The following CEP128 variants were observed in gnomAD, a reference collection of about 807,000 sequenced individuals.
CEP128 encodes centrosomal protein 128kDa.
CEP128 carries 132 observed loss-of-function variants against 156.7 expected under a neutral mutation model. The ratio of observed to expected loss-of-function variants is 0.84; its 90% CI spans 0.73 to 0.97. The LOEUF (loss-of-function observed/expected upper bound fraction) is 0.97. Among genes scored for constraint, CEP128 ranks in the 50% least tolerant of loss-of-function variants. The pLI is 0.00. For synonymous variants in CEP128, 469 were observed against 448.9 expected, an observed-to-expected ratio of 1.04 and a Z score of -0.57; for missense variants, 1,252 against 1,281.9, an observed-to-expected ratio of 0.98 and a Z score of 0.36.
At chr14:80,786,179 A>T (rs963020545) in intron 14 of CEP128, among the ~76,000 whole-genome samples, 3 of 152,214 alleles carry the variant, frequency 2.0e-5, no homozygotes, top group Non-Finnish European at 4.4e-5. Context: ...GAAGTCCATC[A>T]TTCTATGCCA....
chr14:80,591,959 G>A (rs1892090716), intron 19 of CEP128, among the ~76,000 whole-genome samples: 1 of 152,170 alleles, frequency 6.6e-6, no homozygotes, highest in Non-Finnish European at 1.5e-5. Flanking sequence ...TGAAACCAAT[G>A]AGAACAAAGA....
At chr14:80,802,080 C>A (rs1247631851) in intron 13 of CEP128, among the ~76,000 whole-genome samples, 2 of 151,958 alleles carry the variant, frequency 1.3e-5, no homozygotes, top group African/African-American at 4.8e-5. Flanking sequence ...CACTTTTACA[C>A]TGTTGGTAGG....
chr14:80,563,656 C>A (rs948007512), intron 20 of CEP128, among the ~76,000 whole-genome samples: 3 of 150,574 alleles, frequency 2.0e-5, no homozygotes, highest in African/African-American at 7.3e-5. Flanking sequence ...GTCTCAGGCT[C>A]CCGAGTAGCT....
chr14:80,719,928 A>C (rs1195890539), intron 19 of CEP128, among the ~76,000 whole-genome samples: 4 of 152,330 alleles, frequency 2.6e-5, no homozygotes, highest in African/African-American at 9.6e-5. Context: ...TAAATCCATG[A>C]GCATATATAT....
intron 8 of CEP128, among the ~76,000 whole-genome samples, chr14:80,864,873 TA>T (rs1887693763): frequency 6.6e-6 from 1 of 152,160 alleles, no homozygotes; most frequent in Admixed American, 6.5e-5. Context: ...TTCTTCTAAG[TA>T]AAAGTTTTTT....
chr14:80,487,523 G>A (rs185530817), downstream of CEP128, among the ~76,000 whole-genome samples: 1,262 of 152,196 alleles, frequency 8.3e-3, 3 homozygotes, highest in Non-Finnish European at 0.013. Context: ...GCACCAAGTG[G>A]ACCTAATAGA....
chr14:80,870,998 C>T (rs1054442373), intron 8 of CEP128, among the ~76,000 whole-genome samples: 4 of 147,240 alleles, frequency 2.7e-5, no homozygotes, highest in South Asian at 2.2e-4. Flanking sequence ...CCAAAAAATA[C>T]GAAGAAATAA....
intron 19 of CEP128, among the ~76,000 whole-genome samples, chr14:80,734,371 A>T (rs1169795081): frequency 2.6e-5 from 4 of 152,274 alleles, no homozygotes; most frequent in African/African-American, 9.6e-5. Context: ...GAAAGTCTTT[A>T]GGGTCCACAA....
chr14:80,924,600 T>C (rs1284270612), intron 2 of CEP128, among the ~76,000 whole-genome samples: 1 of 152,064 alleles, frequency 6.6e-6, no homozygotes, highest in Non-Finnish European at 1.5e-5. Context: ...GACAGGTGGA[T>C]GAGACAAGGA....
At chr14:80,574,872 TACTAAA>T (rs1891291283) in intron 20 of CEP128, among the ~76,000 whole-genome samples, 1 of 151,890 alleles carries the variant, frequency 6.6e-6, no homozygotes, top group South Asian at 2.1e-4. Flanking sequence ...CCTAAAACAG[TACTAAA>T]AAGAAAATCG....
chr14:80,614,973 G>A (rs959426931), intron 19 of CEP128, among the ~76,000 whole-genome samples: 2 of 152,056 alleles, frequency 1.3e-5, no homozygotes, highest in Admixed American at 6.5e-5. Context: ...ATATACCTGT[G>A]CAACTATTCC....
At chr14:80,917,435 C>T (rs767084847) in intron 2 of CEP128, among the ~76,000 whole-genome samples, 36 of 152,170 alleles carry the variant, frequency 2.4e-4, no homozygotes, top group Non-Finnish European at 3.4e-4. Context: ...GGTGGGTTAA[C>T]ATTATTTTAA....
chr14:80,703,921 C>T (rs1297622206), intron 19 of CEP128, among the ~76,000 whole-genome samples: 5 of 152,200 alleles, frequency 3.3e-5, no homozygotes, highest in Middle Eastern at 3.4e-3. Flanking sequence ...TTTATAGCCA[C>T]AGTTACCTCC....
rs376265093 is a variant in CEP128, at chr14:80,785,449, G to A, written c.1657C>T (p.Arg553Cys). The A allele has an allele frequency of 4.6e-5, 75 of 1,613,686 alleles. No individual in the cohort carries two copies. The highest frequency in any genetic ancestry group is 1.6e-4 in the Middle Eastern group (1 of 6,084). ...TGAAGCTCCTCCTCCTGAAGGGCAC[G>A]CTTTGTTAGGACATCATTCAATTCC... ...RKELNDVLTK[R>C]ALQEEELHSK... The change falls in exon 15 of 25, where the codon CGT becomes TGT. Residue 553 changes from arginine (R) to cysteine (C), a missense_variant. Arg to Cys is a radical substitution (Grantham distance 180). Transcript: ENST00000555265.
At chr14:80,565,309 C>A (rs1890865811) in intron 20 of CEP128, among the ~76,000 whole-genome samples, 1 of 152,088 alleles carries the variant, frequency 6.6e-6, no homozygotes, top group South Asian at 2.1e-4. Flanking sequence ...TAACTTTAAC[C>A]CCCTATGATT....
At chr14:80,928,370 AAACC>A (rs1487495530) in intron 2 of CEP128, among the ~76,000 whole-genome samples, 1 of 152,184 alleles carries the variant, frequency 6.6e-6, no homozygotes, top group African/African-American at 2.4e-5. Flanking sequence ...GGAAAGGTGA[AAACC>A]AACATAAAGA....
At chr14:80,905,872 T>A (rs2139447893) in intron 5 of CEP128, 83 bp downstream of exon 5, 1 of 1,349,692 alleles carries the variant, frequency 7.4e-7, no homozygotes, top group South Asian at 1.3e-5. Flanking sequence ...TATGTGTGGG[T>A]CATATTTCTC....
intron 19 of CEP128, among the ~76,000 whole-genome samples, chr14:80,621,468 T>C (rs893925462): frequency 6.6e-6 from 1 of 152,156 alleles, no homozygotes; most frequent in African/African-American, 2.4e-5. Flanking sequence ...GATAATTGTA[T>C]CAGTGGTTCA....
At chr14:80,509,052 C>A (rs1888121217) in intron 23 of CEP128, among the ~76,000 whole-genome samples, 1 of 151,056 alleles carries the variant, frequency 6.6e-6, no homozygotes, top group South Asian at 2.1e-4. Context: ...GAAACTGCCA[C>A]TTTGAAAACC....
Sources: gnomAD v4.1 joint callset for allele counts (sites outside exome capture counted in the v4.1 genomes callset) on GRCh38, gnomAD v4.1.1 for gene constraint, MANE v1.5 for transcripts, NCBI Gene and HGNC (gene_info 2026-07-23, HGNC 2026-07-21) for gene names.